SDC2: variants seen among roughly 807,000 people sequenced by gnomAD.
SDC2 encodes syndecan-2.
A neutral mutation model predicts 22.2 loss-of-function variants in SDC2; 13 were observed. The ratio of observed to expected loss-of-function variants is 0.59; its 90% CI spans 0.38 to 0.93. The LOEUF is 0.93. Ranked by LOEUF, SDC2 falls within the 40% of genes least tolerant of loss-of-function variation. The probability of loss-of-function intolerance (pLI) is 0.00; values close to 1 mark genes in which losing one functional copy is unlikely to be tolerated. For missense variants in SDC2, 235 were observed against 246.8 expected, an observed-to-expected ratio of 0.95 and a Z score of 0.32; for synonymous variants, 94 against 92.8, an observed-to-expected ratio of 1.01 and a Z score of -0.07.
At chr8:96,587,572 A>G (rs1392046524) in intron 1 of SDC2, among the ~76,000 whole-genome samples, 1 of 152,168 alleles carries the variant, frequency 6.6e-6, no homozygotes, top group Non-Finnish European at 1.5e-5. Flanking sequence ...AAATTAATGA[A>G]TGACAATTGG....
intron 1 of SDC2, among the ~76,000 whole-genome samples, chr8:96,495,801 G>A (rs775030204): frequency 2.0e-5 from 3 of 152,140 alleles, no homozygotes; most frequent in South Asian, 2.1e-4. Context: ...GTTCTTTGTG[G>A]TTGGAGAGCA....
At chr8:96,529,303 T>G (rs974836902) in intron 1 of SDC2, 1 of 152,224 alleles carries the variant, frequency 6.6e-6, no homozygotes, top group African/African-American at 2.4e-5. Flanking sequence ...AGAAAACACA[T>G]CAAAATGTTA....
chr8:96,553,155 T>A (rs940642727), intron 1 of SDC2, among the ~76,000 whole-genome samples: 4 of 152,180 alleles, frequency 2.6e-5, no homozygotes, highest in Admixed American at 2.0e-4. Context: ...GATAAATATT[T>A]AAAATAGAAA....
chr8:96,532,475 C>T (rs904440176), intron 1 of SDC2, among the ~76,000 whole-genome samples: 21 of 124,566 alleles, frequency 1.7e-4, no homozygotes, highest in Non-Finnish European at 2.7e-4. Flanking sequence ...AGAAAATCTA[C>T]CTCCAGGGAC....
At chr8:96,503,061 G>A (rs1813189680) in intron 1 of SDC2, among the ~76,000 whole-genome samples, 1 of 152,152 alleles carries the variant, frequency 6.6e-6, no homozygotes, top group Non-Finnish European at 1.5e-5. Context: ...TATGTTTGTA[G>A]TCAGCTTTTC....
At chr8:96,562,371 C>A (rs532449060) in intron 1 of SDC2, among the ~76,000 whole-genome samples, 2 of 152,304 alleles carry the variant, frequency 1.3e-5, no homozygotes, top group African/African-American at 4.8e-5. Context: ...GAGGTGGCAT[C>A]TTTCCCTGGG....
intron 1 of SDC2, among the ~76,000 whole-genome samples, chr8:96,535,059 A>G (rs1037216194): frequency 6.0e-5 from 9 of 151,126 alleles, no homozygotes; most frequent in African/African-American, 2.2e-4. Flanking sequence ...GCTGGAGTGC[A>G]ATGGTGCGAT....
chr8:96,609,266 TATTGGGG>T, intron 4 of SDC2, 112 bp from the exon 5 acceptor site: 1 of 766,024 alleles, frequency 1.3e-6, no homozygotes, highest in Non-Finnish European at 1.9e-6. Flanking sequence ...GCTTTTTTTT[TATTGGGG>T]TTTTCAAATT....
chr8:96,494,122 G>T lies in SDC2; in HGVS notation c.-150G>T, dbSNP rs116634740. On this transcript the variant is annotated 5_prime_UTR_variant, in exon 1 of 5. Transcript: ENST00000302190. ...AGGAGGAGGAAGCGAGCGCCCCCGA[G>T]CCCCGAGCCCGAGTCCCCGAGCCTG... 3,057 of 728,022 alleles carry T rather than the reference G, an allele frequency of 4.2e-3. 73 individuals carry two copies. The African/African-American group carries it at 0.052, about 12-fold the overall frequency. 45.1% of individuals were successfully genotyped at this position (728,022 alleles called of 1,614,324 possible).
At chr8:96,575,130 T>TCTGTGG (rs1391807693) in intron 1 of SDC2, among the ~76,000 whole-genome samples, 1 of 152,108 alleles carries the variant, frequency 6.6e-6, no homozygotes, top group African/African-American at 2.4e-5. Context: ...TCGGTATTGG[T>TCTGTGG]CTGTGGCCTG....
chr8:96,522,726 C>A (rs1248247723), intron 1 of SDC2, among the ~76,000 whole-genome samples: 2 of 152,042 alleles, frequency 1.3e-5, no homozygotes, highest in Non-Finnish European at 2.9e-5. Flanking sequence ...ATCTATGATC[C>A]ATATTTGAAA....
intron 1 of SDC2, among the ~76,000 whole-genome samples, chr8:96,498,424 A>G (rs963872120): frequency 6.6e-6 from 1 of 152,024 alleles, no homozygotes; most frequent in Non-Finnish European, 1.5e-5. Flanking sequence ...TCAGCACTGC[A>G]AAGAAGTCGG....
At chr8:96,585,635 T>C (rs1280481906) in intron 1 of SDC2, among the ~76,000 whole-genome samples, 1 of 152,174 alleles carries the variant, frequency 6.6e-6, no homozygotes, top group Non-Finnish European at 1.5e-5. Flanking sequence ...TTCTGGATCA[T>C]CATATCTGAG....
rs148465005 is a variant in SDC2 at position 96,608,774 on chromosome 8, TC to T, written c.442+306del. On this transcript the variant is annotated intron_variant, in intron 4 of 4. Coordinates refer to ENST00000302190, the MANE Select transcript of SDC2 (RefSeq NM_002998.4). Reference sequence around the variant, plus strand: ...GTAGAGAGATGGCAGAGTGTGGAGATCCATCAGTCTTGCTCACAGGCATTCT... The same window carrying T: ...GTAGAGAGATGGCAGAGTGTGGAGATCATCAGTCTTGCTCACAGGCATTCT... Among the ~76,000 whole-genome samples, 770 of 152,242 alleles carry T rather than the reference TC, an allele frequency of 5.1e-3. 5 individuals carry two copies. Among genetic ancestry groups the T allele is most frequent in the Non-Finnish European group, 8.5e-3 (580 of 67,994 alleles).
chr8:96,589,574 G>A (rs536159299), intron 1 of SDC2, among the ~76,000 whole-genome samples: 58 of 152,148 alleles, frequency 3.8e-4, no homozygotes, highest in African/African-American at 1.3e-3. Flanking sequence ...CACCACACCC[G>A]CCTAATTTTT....
chr8:96,543,785 A>G (rs1442355427), intron 1 of SDC2, among the ~76,000 whole-genome samples: 3 of 152,200 alleles, frequency 2.0e-5, no homozygotes, highest in Admixed American at 6.5e-5. Flanking sequence ...TCATAACAGT[A>G]TGTGTATATG....
At chr8:96,519,615 A>AT (rs1341364657) in intron 1 of SDC2, among the ~76,000 whole-genome samples, 1 of 152,148 alleles carries the variant, frequency 6.6e-6, no homozygotes, top group East Asian at 1.9e-4. Flanking sequence ...GGTGAAAAAA[A>AT]TTAAATCGCA....
intron 1 of SDC2, among the ~76,000 whole-genome samples, chr8:96,514,751 G>A (rs775272990): frequency 5.3e-5 from 8 of 152,056 alleles, no homozygotes; most frequent in Non-Finnish European, 1.2e-4. Context: ...TAGATTCCTC[G>A]CCTGTGTAAT....
At chr8:96,602,198 A>G (rs1224149535) in intron 2 of SDC2, among the ~76,000 whole-genome samples, 197 bp from the exon 3 acceptor site, 1 of 152,214 alleles carries the variant, frequency 6.6e-6, no homozygotes, top group Non-Finnish European at 1.5e-5. Flanking sequence ...AAAACTTGCT[A>G]GACTACCCAC....
Sources: allele counts gnomAD v4.1 joint callset (sites outside exome capture counted in the v4.1 genomes callset), GRCh38; gene constraint gnomAD v4.1.1; transcripts MANE v1.5; gene names NCBI Gene and HGNC (gene_info 2026-07-23, HGNC 2026-07-21).